SLC43A2: variants seen among roughly 807,000 people sequenced by gnomAD.
SLC43A2 encodes large neutral amino acids transporter small subunit 4.
Under a neutral mutation model 63.2 loss-of-function variants are expected in SLC43A2, and 38 were observed. The observed-to-expected ratio is 0.60, with a 90% CI of 0.46 to 0.79. The LOEUF is 0.79. Among genes scored for constraint, SLC43A2 ranks in the 30% least tolerant of loss-of-function variants. The pLI is 0.00. For missense variants in SLC43A2, 644 were observed against 756.2 expected (o/e 0.85, Z 1.74); for synonymous variants, 322 against 331.0 (o/e 0.97, Z 0.30).
Position 1,615,533 on chromosome 17 carries a change from G to GA in SLC43A2, c.369-500dup, listed in dbSNP as rs113237456. Among the ~76,000 whole-genome samples, 765 of 113,148 alleles carry GA rather than the reference G, an allele frequency of 6.8e-3. 10 individuals carry two copies. Among genetic ancestry groups the GA allele is most frequent in the South Asian group, 0.015 (53 of 3,506 alleles). The allele number at this position is 113,148 out of a possible 152,430, so 74.2% of individuals were successfully genotyped here. A position where few individuals can be genotyped will look rare whatever the true frequency, so the allele number is the denominator to read the frequency against. On this transcript the variant is annotated intron_variant, in intron 3 of 13. Transcript: ENST00000301335. Reference sequence around the variant, plus strand: ...CAACAGCAAAACTCCAACTCAAAAGGAAAAAAAAAAAAAAAAGAATGGCAT... The same window carrying GA: ...CAACAGCAAAACTCCAACTCAAAAGGAAAAAAAAAAAAAAAAAGAATGGCAT...
At chr17:1,600,152 A>ATATATATATATATAT (rs1216616243) in intron 5 of SLC43A2, among the ~76,000 whole-genome samples, 3 of 60,280 alleles carry the variant, frequency 5.0e-5, no homozygotes, top group African/African-American at 1.6e-4. Context: ...ATATATATAT[A>ATATATATATATATAT]TTTTTTTTTT....
At chr17:1,598,487 G>T (rs1021724315) in intron 5 of SLC43A2, among the ~76,000 whole-genome samples, 3 of 151,982 alleles carry the variant, frequency 2.0e-5, no homozygotes, top group Admixed American at 1.3e-4. Context: ...TGGAAGCCCA[G>T]AGCCTGGCTC....
Position 1,575,610 on chromosome 17 carries a change from G to A in SLC43A2, c.1704C>T (p.Phe568=), listed in dbSNP as rs575929358. The A allele has an allele frequency of 8.7e-6, 14 of 1,614,022 alleles. No homozygotes were observed. Among genetic ancestry groups the A allele is most frequent in the Admixed American group, 5.0e-5 (3 of 60,026 alleles). Residue 568 remains phenylalanine, a synonymous_variant, in exon 14 of 14, where the codon TTC becomes TTT. Transcript: ENST00000301335. ...KINGSSNQEA[F]V is the part of the protein sequence containing the mutation. ...AGTTCCGAGGCGGCAGCCACTACAC[G>A]AAGGCCTCCTGGTTGGACGAGCCGT...
At chr17:1,620,527 C>T (rs1291362429) in intron 2 of SLC43A2, among the ~76,000 whole-genome samples, 8 of 152,280 alleles carry the variant, frequency 5.3e-5, no homozygotes, top group South Asian at 4.1e-4. Context: ...GGACCTTGCA[C>T]GTAGGCCAAC....
chr17:1,587,063 C>A (rs1190536000), intron 9 of SLC43A2: 2 of 1,245,324 alleles, frequency 1.6e-6, no homozygotes, highest in South Asian at 1.4e-5. Flanking sequence ...TCACTCCATG[C>A]CCAGCACGCA....
At chr17:1,591,017 C>T in intron 8 of SLC43A2, 69 bp from the exon 9 acceptor site, 1 of 1,511,134 alleles carries the variant, frequency 6.6e-7, no homozygotes, top group Non-Finnish European at 8.9e-7. Flanking sequence ...ACACGCAGAT[C>T]CCTCCACGCT....
chr17:1,614,551 G>T (rs1481552127), intron 4 of SLC43A2, among the ~76,000 whole-genome samples: 1 of 152,128 alleles, frequency 6.6e-6, no homozygotes, highest in Non-Finnish European at 1.5e-5. Context: ...TCCTCTTTTG[G>T]TGTTTGCTCT....
At chr17:1,617,734 C>A (rs1333118385) in intron 2 of SLC43A2, among the ~76,000 whole-genome samples, 1 of 152,144 alleles carries the variant, frequency 6.6e-6, no homozygotes, top group Non-Finnish European at 1.5e-5. Context: ...CACAGTGGTG[C>A]CATCCCGTGG....
At chr17:1,598,508 G>A (rs1438865434) in intron 5 of SLC43A2, among the ~76,000 whole-genome samples, 2 of 152,226 alleles carry the variant, frequency 1.3e-5, no homozygotes, top group East Asian at 3.9e-4. Flanking sequence ...CCTTGGTGCA[G>A]GGTCAGGTGA....
intron 10 of SLC43A2, chr17:1,585,553 A>T: frequency 1.4e-6 from 1 of 730,654 alleles, no homozygotes; most frequent in Non-Finnish European, 1.9e-6. Flanking sequence ...GCCAATTTTT[A>T]AATTTTTTGT....
intron 3 of SLC43A2, among the ~76,000 whole-genome samples, chr17:1,615,743 T>TGAGGCAGGAGAATAGCGTGAACCCGGGAG (rs1907578568): frequency 6.7e-6 from 1 of 148,634 alleles, no homozygotes; most frequent in African/African-American, 2.5e-5. Flanking sequence ...CTCGGGAGGC[T>TGAGGCAGGAGAATAGCGTGAACCCGGGAG]GAGGCAGGAG....
At chr17:1,590,993 C>G (rs530919072) in intron 8 of SLC43A2, 45 bp from the exon 9 acceptor site, 1 of 1,541,290 alleles carries the variant, frequency 6.5e-7, no homozygotes, top group Admixed American at 2.0e-5. Context: ...CACACTGTCC[C>G]CACCACCGGG....
intron 2 of SLC43A2, among the ~76,000 whole-genome samples, chr17:1,626,317 A>T (rs574137328): frequency 6.6e-6 from 1 of 152,150 alleles, no homozygotes; most frequent in Non-Finnish European, 1.5e-5. Flanking sequence ...GGGGACAGGC[A>T]TTAATCTCCT....
At chr17:1,601,298 G>A (rs909572283) in intron 5 of SLC43A2, among the ~76,000 whole-genome samples, 1 of 152,032 alleles carries the variant, frequency 6.6e-6, no homozygotes, top group Non-Finnish European at 1.5e-5. Flanking sequence ...ATCTTCCAGA[G>A]TGGTAGAATC....
In SLC43A2 at chr17:1,593,548, C is replaced by T. The variant is rs1905016913; in HGVS notation, c.502-269G>A. On this transcript the variant is annotated intron_variant, in intron 5 of 13. Coordinates refer to ENST00000301335, the MANE Select transcript of SLC43A2 (RefSeq NM_152346.3). The surrounding 1 kb of genome is among the most constrained non-coding windows in gnomAD (Gnocchi z 5.3). ...TGGCAACCCTCCCTATCTCTCTGCT[C>T]CTGGCAGAGCCCAGGAGCCTTCTTG... Among the ~76,000 whole-genome samples the T allele has an allele frequency of 6.6e-6, 1 of 152,162 alleles. No individual in the cohort carries two copies. Among genetic ancestry groups the T allele is most frequent in the Admixed American group, 6.5e-5 (1 of 15,268 alleles).
In SLC43A2 at chr17:1,578,567, G is replaced by A. The variant is rs1361187022; in HGVS notation, c.1351-244C>T. On this transcript the variant is annotated intron_variant, in intron 11 of 13. Transcript: ENST00000301335. This position sits in a 1 kb window ranked among gnomAD's most constrained non-coding sequence, Gnocchi z 6.5. Reference sequence around the variant, plus strand: ...GTTTGAGAAGAAGTCTTGCTTTGTCGCCCAGGCTGGAGTGCAGTGGCGTGA... The same window carrying A: ...GTTTGAGAAGAAGTCTTGCTTTGTCACCCAGGCTGGAGTGCAGTGGCGTGA... The A allele has an allele frequency of 5.9e-6, 3 of 510,444 alleles. No individual in the cohort carries two copies. The highest frequency in any genetic ancestry group is 5.2e-4 in the Middle Eastern group (1 of 1,936). The allele number at this position is 510,444 out of a possible 1,614,324, so 31.6% of individuals were successfully genotyped here. A position where few individuals can be genotyped will look rare whatever the true frequency, so the allele number is the denominator to read the frequency against.
rs536473391 is a variant in SLC43A2, at chr17:1,586,153, G to C, written c.1079-102C>G. The C allele has an allele frequency of 8.3e-6, 12 of 1,454,260 alleles. No homozygotes were observed. In the Admixed American group the frequency reaches 1.6e-4, roughly 19 times the overall value. 90.1% of individuals were successfully genotyped at this position (1,454,260 alleles called of 1,614,324 possible). A position where few individuals can be genotyped will look rare whatever the true frequency, so the allele number is the denominator to read the frequency against. ...GGGCTGGTCCCCACAGGCTCTTCTG[G>C]GGTCTGCCCCAGAACCCCCTGTCAC... On this transcript the variant is annotated intron_variant, in intron 9 of 13. Transcript: ENST00000301335.
rs1481288973 is a variant in SLC43A2, at chr17:1,601,088, G to GTTTGTTT, written c.502-7816_502-7810dup. 9.2e-5 allele frequency among the ~76,000 whole-genome samples: 14 copies of GTTTGTTT among 151,588 alleles called. 1 individual carries two copies. The highest frequency in any genetic ancestry group is 9.2e-4 in the Admixed American group (14 of 15,188). ...GTGGTGTTTGTTTGTTTGTTTGTTT[G>GTTTGTTT]TTTGTTTTAAGTAAAATGTCAGAAA... On this transcript the variant is annotated intron_variant, in intron 5 of 13. Coordinates refer to ENST00000301335, the MANE Select transcript of SLC43A2 (RefSeq NM_152346.3).
chr17:1,579,340 A>G (rs1174410087), intron 11 of SLC43A2, among the ~76,000 whole-genome samples: 1 of 151,082 alleles, frequency 6.6e-6, no homozygotes, highest in Middle Eastern at 3.2e-3. Flanking sequence ...GGGCGCCTGT[A>G]TTCCCAGCTA....
Sources: gnomAD v4.1 joint callset for allele counts (sites outside exome capture counted in the v4.1 genomes callset) on GRCh38, gnomAD v4.1.1 for gene constraint, Gnocchi (gnomAD v3.1) non-coding constraint, MANE v1.5 for transcripts, NCBI Gene and HGNC (gene_info 2026-07-23, HGNC 2026-07-21) for gene names.